SBK1: variants seen among roughly 807,000 people sequenced by gnomAD.
The protein encoded by SBK1 is SH3 domain binding kinase 1, also known as serine/threonine-protein kinase SBK1.
A neutral mutation model predicts 24.4 loss-of-function variants in SBK1; 11 were observed. That is an observed-to-expected ratio of 0.45 (90% CI 0.28 to 0.75). The LOEUF (loss-of-function observed/expected upper bound fraction) is 0.75, where lower values mean the gene tolerates loss of function less well. Among genes scored for constraint, SBK1 ranks in the 30% least tolerant of loss-of-function variants. The pLI, the probability that SBK1 is intolerant of heterozygous loss-of-function variation, is 0.12. For synonymous variants in SBK1, 308 were observed against 284.4 expected (o/e 1.08, Z -0.83); for missense variants, 467 against 620.5 (o/e 0.75, Z 2.63).
chr16:28,288,857 C>T (rs193122694), upstream of SBK1, among the ~76,000 whole-genome samples: 223 of 152,306 alleles, frequency 1.5e-3, no homozygotes, highest in African/African-American at 5.0e-3. Flanking sequence ...TAATGGGACC[C>T]ATGCTGTGTC....
At position 28,320,915 on chromosome 16, in the gene SBK1, C is replaced by G; in HGVS notation, c.1269C>G (p.Cys423Trp). 6.8e-7 allele frequency: 1 copy of G among 1,475,512 alleles called. No homozygotes were observed. The highest frequency in any genetic ancestry group is 8.9e-7 in the Non-Finnish European group (1 of 1,117,800). 91.4% of individuals were successfully genotyped at this position (1,475,512 alleles called of 1,614,324 possible). A position where few individuals can be genotyped will look rare whatever the true frequency, so the allele number is the denominator to read the frequency against. The part of the protein sequence containing the change: ...QVVLATAIEI[C>W]V ...TGCTGGCCACGGCCATCGAGATCTG[C>G]GTCTGAGTCGCCTCCGCCGCCCTCG... The change falls in exon 4 of 4, where the codon TGC becomes TGG. Residue 423 changes from cysteine to tryptophan, a missense_variant. Coordinates refer to ENST00000341901, the MANE Select transcript of SBK1 (RefSeq NM_001024401.3). The surrounding 1 kb of genome is among the most constrained non-coding windows in gnomAD (Gnocchi z 8.5).
At position 28,276,757 on chromosome 16, in the gene SBK1, C is replaced by T. The variant is rs573372277; in HGVS notation, c.257+17255C>T. ...TTGGCTCACTGCAACCTCCGCCTCC[C>T]GGGTTCAAGTGATTTTCCTGCCTCA... is the stretch of plus-strand genomic sequence containing the variant. On this transcript the variant is annotated intron_variant, in intron 1 of 3. Coordinates refer to the SBK1 transcript ENST00000671413. Among the ~76,000 whole-genome samples the T allele has an allele frequency of 3.6e-4, 54 of 152,072 alleles. No individual in the cohort carries two copies. In the East Asian group the frequency reaches 6.6e-3, roughly 19 times the overall value.
At chr16:28,310,397 C>T in intron 1 of SBK1, among the ~76,000 whole-genome samples, 1 of 152,220 alleles carries the variant, frequency 6.6e-6, no homozygotes, top group East Asian at 1.9e-4. Context: ...CACTGAGACT[C>T]GGCCCTCTTC....
At chr16:28,297,396 G>C (rs1225757977) in intron 1 of SBK1, among the ~76,000 whole-genome samples, 1 of 152,204 alleles carries the variant, frequency 6.6e-6, no homozygotes, top group African/African-American at 2.4e-5. Context: ...TTGTGGAGTA[G>C]CTGGGCCAGG....
intron 1 of SBK1, chr16:28,286,330 A>G (rs1457460230): frequency 6.6e-6 from 1 of 152,378 alleles, no homozygotes; most frequent in African/African-American, 2.4e-5. Flanking sequence ...TCTTGAGCCC[A>G]GGAGTTCAGA....
rs1360510924 is a variant in SBK1 at position 28,320,630 on chromosome 16, C to T, written c.984C>T (p.Arg328=). The T allele has an allele frequency of 8.0e-7, 1 of 1,249,312 alleles. No individual in the cohort carries two copies. The highest frequency in any genetic ancestry group is 4.4e-5 in the Admixed American group (1 of 22,538). 77.4% of individuals were successfully genotyped at this position (1,249,312 alleles called of 1,614,324 possible). The change falls in exon 4 of 4, where the codon CGC becomes CGT. Residue 328 remains arginine (R), a synonymous_variant. Transcript: ENST00000341901. The surrounding 1 kb of genome is among the most constrained non-coding windows in gnomAD (Gnocchi z 8.5). The stretch of plus-strand genomic sequence containing the variant: ...AGCTGCGCCGCCGGCCCTCGCACCG[C>T]GCGCGCAAGCCCCCCGGGGACCGCC... ...TSELRRRPSH[R]ARKPPGDRPP...
At chr16:28,269,032 CTTTTT>C (rs1223749659) in intron 1 of SBK1, among the ~76,000 whole-genome samples, 4 of 130,240 alleles carry the variant, frequency 3.1e-5, no homozygotes, top group Admixed American at 7.7e-5. Flanking sequence ...AAGTTCTTTC[CTTTTT>C]TTTTTTTTTT....
intron 1 of SBK1, among the ~76,000 whole-genome samples, chr16:28,296,242 C>T (rs927406864): frequency 1.3e-4 from 19 of 151,870 alleles, no homozygotes; most frequent in Admixed American, 3.9e-4. Flanking sequence ...TACAGGCACC[C>T]GCCACCATGC....
chr16:28,301,636 T>C (rs1439315715), intron 1 of SBK1, among the ~76,000 whole-genome samples: 2 of 151,950 alleles, frequency 1.3e-5, no homozygotes, highest in Non-Finnish European at 1.5e-5. Context: ...GGTTCAGGGG[T>C]GAGATTCAGC....
Position 28,270,339 on chromosome 16 carries a change from C to T in SBK1, c.257+10837C>T, listed in dbSNP as rs138430815. Among the ~76,000 whole-genome samples, 191 of 151,832 alleles carry T rather than the reference C, an allele frequency of 1.3e-3. 4 individuals carry two copies. In the East Asian group the frequency reaches 0.029, roughly 23 times the overall value. Reference sequence around the variant, plus strand: ...CCTCCCAAAGTGCTGGAATTACAGGCGTGAGCCACCACGATCTGCCGGAAC... The same window carrying T: ...CCTCCCAAAGTGCTGGAATTACAGGTGTGAGCCACCACGATCTGCCGGAAC... On this transcript the variant is annotated intron_variant, in intron 1 of 3. Transcript: ENST00000671413.
Position 28,280,341 on chromosome 16 carries a change from T to C in SBK1, c.257+20839T>C, listed in dbSNP as rs534684438. ...ATATATATACGTACATATGTATATA[T>C]ATATATAAAATATATATATATATAT... is the stretch of plus-strand genomic sequence containing the variant. On this transcript the variant is annotated intron_variant, in intron 1 of 3. Transcript: ENST00000671413. 3.4e-3 allele frequency among the ~76,000 whole-genome samples: 488 copies of C among 144,704 alleles called. 6 individuals are homozygous for C. The highest frequency in any genetic ancestry group is 0.012 in the African/African-American group (482 of 39,148). The allele number at this position is 144,704 out of a possible 152,430, so 94.9% of individuals were successfully genotyped here.
chr16:28,280,147 A>ATGTGTGTGTGTGTGTGTGTGTGTG (rs1258164420), intron 1 of SBK1, among the ~76,000 whole-genome samples: 2 of 48,380 alleles, frequency 4.1e-5, no homozygotes, highest in Non-Finnish European at 1.0e-4. Flanking sequence ...ATATATATAT[A>ATGTGTGTGTGTGTGTGTGTGTGTG]TATGTGTGTG....
At chr16:28,287,195 C>CT (rs1350048059) in intron 1 of SBK1, 3 of 150,874 alleles carry the variant, frequency 2.0e-5, no homozygotes, top group Non-Finnish European at 4.4e-5. Context: ...CATCCCAGCA[C>CT]TTTGGGAGGC....
chr16:28,283,646 C>T (rs2044547037), intron 1 of SBK1, among the ~76,000 whole-genome samples: 1 of 152,134 alleles, frequency 6.6e-6, no homozygotes, highest in Admixed American at 6.5e-5. Flanking sequence ...AAGTGAACCC[C>T]ACCATTGGAA....
intron 1 of SBK1, among the ~76,000 whole-genome samples, chr16:28,280,487 G>A (rs1434936336): frequency 2.0e-5 from 3 of 149,292 alleles, no homozygotes; most frequent in Non-Finnish European, 4.5e-5. Flanking sequence ...GAGCCACCAC[G>A]CCCAGCCCAG....
chr16:28,295,229 T>C (rs2044630266), intron 1 of SBK1, among the ~76,000 whole-genome samples: 2 of 152,158 alleles, frequency 1.3e-5, no homozygotes, highest in African/African-American at 4.8e-5. Flanking sequence ...GCAGTGGCTC[T>C]CCATTGAGTC....
chr16:28,293,930 C>T (rs529330148), intron 1 of SBK1, among the ~76,000 whole-genome samples: 7 of 152,218 alleles, frequency 4.6e-5, no homozygotes, highest in African/African-American at 1.7e-4. Flanking sequence ...GAGTAAGTAC[C>T]CCCCAAAGTG....
At chr16:28,268,670 C>T (rs908962549) in intron 1 of SBK1, among the ~76,000 whole-genome samples, 4 of 151,624 alleles carry the variant, frequency 2.6e-5, no homozygotes, top group Admixed American at 1.3e-4. Flanking sequence ...GGCTGAGACA[C>T]GAGAATTGCT....
At position 28,317,677 on chromosome 16, in the gene SBK1, G is replaced by A. The variant is rs1023444354; in HGVS notation, c.226+60G>A. On this transcript the variant is annotated intron_variant, in intron 2 of 3. Coordinates refer to ENST00000341901, the MANE Select transcript of SBK1 (RefSeq NM_001024401.3). This position sits in a 1 kb window ranked among gnomAD's most constrained non-coding sequence, Gnocchi z 4.2. ...GGGGTGGGGCAGGGCTGGGAGGTCAGGGTTGGGGGACATGACCTTGCAGCT... is the reference window on the plus strand; with the variant it reads ...GGGGTGGGGCAGGGCTGGGAGGTCAAGGTTGGGGGACATGACCTTGCAGCT... The A allele has an allele frequency of 3.4e-6, 4 of 1,167,188 alleles. No homozygotes were observed. In the South Asian group the frequency reaches 3.8e-5, roughly 11 times the overall value. The allele number at this position is 1,167,188 out of a possible 1,614,324, so 72.3% of individuals were successfully genotyped here. A position where few individuals can be genotyped will look rare whatever the true frequency, so the allele number is the denominator to read the frequency against.
Sources: gnomAD v4.1 joint callset for allele counts (sites outside exome capture counted in the v4.1 genomes callset) on GRCh38, gnomAD v4.1.1 for gene constraint, Gnocchi (gnomAD v3.1) non-coding constraint, MANE v1.5 for transcripts, NCBI Gene and HGNC (gene_info 2026-07-23, HGNC 2026-07-21) for gene names.